Variants in PLEKHM2 observed in about 807,000 individuals in gnomAD.
The protein encoded by PLEKHM2 is pleckstrin homology and RUN domain containing M2.
A neutral mutation model predicts 116.3 loss-of-function variants in PLEKHM2; 77 were observed. The ratio of observed to expected loss-of-function variants is 0.66; its 90% CI spans 0.55 to 0.80. The LOEUF is 0.80. Ranked by LOEUF, PLEKHM2 falls within the 30% of genes least tolerant of loss-of-function variation. The probability of loss-of-function intolerance (pLI) is 0.00; values close to 1 mark genes in which losing one functional copy is unlikely to be tolerated. For missense variants in PLEKHM2, 1,183 were observed against 1,354.9 expected (o/e 0.87, Z 1.99); for synonymous variants, 562 against 571.0 (o/e 0.98, Z 0.22).
chr1:15,702,238 C>G (rs970282463), intron 1 of PLEKHM2, among the ~76,000 whole-genome samples: 2 of 152,194 alleles, frequency 1.3e-5, no homozygotes, highest in African/African-American at 4.8e-5. Context: ...CACCTTGTAC[C>G]TACAGCATCG....
At chr1:15,685,231 C>A (rs1640743794) in intron 1 of PLEKHM2, among the ~76,000 whole-genome samples, 1 of 152,214 alleles carries the variant, frequency 6.6e-6, no homozygotes, top group Non-Finnish European at 1.5e-5. Flanking sequence ...ACACCACAGA[C>A]ACCTTGCTGT....
At position 15,733,954 on chromosome 1, in the gene PLEKHM2, C is replaced by G; in HGVS notation, c.*20C>G. 6.2e-7 allele frequency: 1 copy of G among 1,604,666 alleles called. No individual in the cohort carries two copies. The highest frequency in any genetic ancestry group is 2.2e-5 in the East Asian group (1 of 44,580). ...TGCTGAGGCAGAGCTGGTTGGCGTCCCTGGTGGGCAGGAAAGGAAGGCACG... is the reference window on the plus strand; with the variant it reads ...TGCTGAGGCAGAGCTGGTTGGCGTCGCTGGTGGGCAGGAAAGGAAGGCACG... On this transcript the variant is annotated 3_prime_UTR_variant, in exon 20 of 20. Coordinates refer to ENST00000375799, the MANE Select transcript of PLEKHM2 (RefSeq NM_015164.4).
chr1:15,731,375 G>T, intron 16 of PLEKHM2, 118 bp downstream of exon 16: 1 of 786,232 alleles, frequency 1.3e-6, no homozygotes, highest in East Asian at 2.7e-5. Context: ...CCATCCAGCG[G>T]CCCTGACAGG....
intron 1 of PLEKHM2, among the ~76,000 whole-genome samples, chr1:15,687,731 A>G (rs1640802156): frequency 6.6e-6 from 1 of 152,158 alleles, no homozygotes; most frequent in Non-Finnish European, 1.5e-5. Flanking sequence ...GGAACCTGTT[A>G]GTTTGGCTAC....
At chr1:15,702,840 C>G (rs775467005) in intron 1 of PLEKHM2, among the ~76,000 whole-genome samples, 1 of 148,892 alleles carries the variant, frequency 6.7e-6, no homozygotes, top group Non-Finnish European at 1.5e-5. Context: ...CCTGCCTTAG[C>G]CTTCCGAGTA....
At chr1:15,725,656 C>T in intron 8 of PLEKHM2, 111 bp downstream of exon 8, 1 of 744,804 alleles carries the variant, frequency 1.3e-6, no homozygotes, top group South Asian at 1.8e-5. Flanking sequence ...AGGGCAGTTG[C>T]ATGCCTTCCT....
intron 1 of PLEKHM2, among the ~76,000 whole-genome samples, chr1:15,692,920 G>A (rs1034961798): frequency 6.6e-6 from 1 of 151,562 alleles, no homozygotes; most frequent in African/African-American, 2.4e-5. Flanking sequence ...TGTATTTTTA[G>A]TAGAGATGGG....
intron 1 of PLEKHM2, among the ~76,000 whole-genome samples, chr1:15,709,257 C>T (rs1023003375): frequency 2.6e-5 from 4 of 152,288 alleles, no homozygotes; most frequent in Non-Finnish European, 4.4e-5. Context: ...GATTGTGCTT[C>T]CAGGCTGGGT....
At chr1:15,712,252 C>A (rs1185462677) in intron 1 of PLEKHM2, among the ~76,000 whole-genome samples, 1 of 151,960 alleles carries the variant, frequency 6.6e-6, no homozygotes, top group Non-Finnish European at 1.5e-5. Context: ...TGTTCCACTG[C>A]GCTTTTAATC....
intron 1 of PLEKHM2, among the ~76,000 whole-genome samples, chr1:15,689,261 A>G (rs1300850464): frequency 6.8e-6 from 1 of 147,714 alleles, no homozygotes; most frequent in Non-Finnish European, 1.5e-5. Context: ...AAAAAAAAAA[A>G]GAAAGAAAGA....
At chr1:15,691,229 C>A (rs952616300) in intron 1 of PLEKHM2, among the ~76,000 whole-genome samples, 2 of 152,116 alleles carry the variant, frequency 1.3e-5, no homozygotes, top group Non-Finnish European at 2.9e-5. Context: ...GCCACCACGT[C>A]CAGCTAATTT....
chr1:15,705,426 C>T (rs1202728444), intron 1 of PLEKHM2, among the ~76,000 whole-genome samples: 3 of 152,002 alleles, frequency 2.0e-5, no homozygotes, highest in Non-Finnish European at 4.4e-5. Context: ...AGACGATCCA[C>T]TCACCTCGGC....
chr1:15,731,412 G>A (rs562144575), intron 16 of PLEKHM2, among the ~76,000 whole-genome samples, 155 bp downstream of exon 16: 12 of 152,262 alleles, frequency 7.9e-5, no homozygotes, highest in African/African-American at 2.9e-4. Context: ...CGCTCTGAGG[G>A]CTGCAAGGAG....
At chr1:15,724,432 G>A (rs940281592) in intron 7 of PLEKHM2, among the ~76,000 whole-genome samples, 5 of 151,970 alleles carry the variant, frequency 3.3e-5, no homozygotes, top group Non-Finnish European at 7.4e-5. Flanking sequence ...GTAGTGAGCC[G>A]GGCTCGCGCC....
At chr1:15,724,791 C>T (rs1029887309) in intron 7 of PLEKHM2, among the ~76,000 whole-genome samples, 1 of 152,210 alleles carries the variant, frequency 6.6e-6, no homozygotes, top group African/African-American at 2.4e-5. Flanking sequence ...CTCCATTCTT[C>T]TCCCTTTGTG....
intron 1 of PLEKHM2, among the ~76,000 whole-genome samples, chr1:15,685,541 G>GAAAAAAAA (rs200301672): frequency 9.8e-3 from 684 of 70,002 alleles, no homozygotes; most frequent in East Asian, 0.017. Context: ...CTCAGAAACT[G>GAAAAAAAA]AAAAAAAAAA....
chr1:15,728,557 C>A lies in PLEKHM2; in HGVS notation c.1922-112C>A. On this transcript the variant is annotated intron_variant, in intron 11 of 19. Coordinates refer to ENST00000375799, the MANE Select transcript of PLEKHM2 (RefSeq NM_015164.4). This position sits in a 1 kb window ranked among gnomAD's most constrained non-coding sequence, Gnocchi z 5.9. ...GTGAGCACTCCACGCCATTCTCCTA[C>A]TGCAGGGCAAGGAGAGGCCCTCTAA... The A allele has an allele frequency of 9.3e-7, 1 of 1,078,282 alleles. No individual in the cohort carries two copies. Among genetic ancestry groups the A allele is most frequent in the Non-Finnish European group, 1.4e-6 (1 of 723,070 alleles). The allele number at this position is 1,078,282 out of a possible 1,614,324, so 66.8% of individuals were successfully genotyped here. A position where few individuals can be genotyped will look rare whatever the true frequency, so the allele number is the denominator to read the frequency against.
chr1:15,696,641 G>A (rs1442677653), intron 1 of PLEKHM2, among the ~76,000 whole-genome samples: 2 of 152,196 alleles, frequency 1.3e-5, no homozygotes, highest in Non-Finnish European at 2.9e-5. Flanking sequence ...ATGAGCCACC[G>A]CGCCTGGGCA....
At chr1:15,706,330 G>A (rs978172552) in intron 1 of PLEKHM2, among the ~76,000 whole-genome samples, 7 of 152,090 alleles carry the variant, frequency 4.6e-5, no homozygotes, top group East Asian at 1.9e-4. Context: ...TCCTCTAACC[G>A]GAATACTTTC....
Sources: allele counts gnomAD v4.1 joint callset (sites outside exome capture counted in the v4.1 genomes callset), GRCh38; gene constraint gnomAD v4.1.1; non-coding constraint Gnocchi (gnomAD v3.1); transcripts MANE v1.5; gene names NCBI Gene and HGNC (gene_info 2026-07-23, HGNC 2026-07-21).